GRID2: variants seen among roughly 807,000 people sequenced by gnomAD.
The protein encoded by GRID2 is glutamate ionotropic receptor delta type subunit 2.
In GRID2, 33 loss-of-function variants were observed where a neutral mutation model predicts 114.8. That is an observed-to-expected ratio of 0.29 (90% CI 0.22 to 0.38). The LOEUF (loss-of-function observed/expected upper bound fraction) is 0.38, where lower values mean the gene tolerates loss of function less well. Ranked by LOEUF, GRID2 falls within the 10% of genes least tolerant of loss-of-function variation. GRID2 has a pLI of 1.00. For missense variants in GRID2, 1,184 were observed against 1,257.7 expected (o/e 0.94, Z 0.89); for synonymous variants, 505 against 449.9 (o/e 1.12, Z -1.55).
intron 3 of GRID2, among the ~76,000 whole-genome samples, chr4:93,101,176 T>G (rs912563871): frequency 2.6e-5 from 4 of 152,104 alleles, no homozygotes; most frequent in Non-Finnish European, 5.9e-5. Context: ...ACATATCATA[T>G]TTTCAGGGTA....
intron 2 of GRID2, among the ~76,000 whole-genome samples, chr4:92,642,857 C>T (rs181718600): frequency 6.6e-6 from 1 of 151,404 alleles, no homozygotes; most frequent in Non-Finnish European, 1.5e-5. Context: ...TAAGGGTCCA[C>T]TTTCATTCTT....
At chr4:93,574,544 T>C (rs1281172550) in intron 13 of GRID2, among the ~76,000 whole-genome samples, 1 of 152,152 alleles carries the variant, frequency 6.6e-6, no homozygotes, top group Non-Finnish European at 1.5e-5. Flanking sequence ...TCTTACCTGG[T>C]TGGCAGCAGG....
intron 2 of GRID2, among the ~76,000 whole-genome samples, chr4:92,716,914 A>T (rs147184333): frequency 6.6e-6 from 1 of 152,208 alleles, no homozygotes; most frequent in Non-Finnish European, 1.5e-5. Context: ...AAAGCAATCT[A>T]AATATCTCCA....
chr4:92,987,453 G>A (rs1380899375), intron 2 of GRID2, among the ~76,000 whole-genome samples: 4 of 152,076 alleles, frequency 2.6e-5, no homozygotes, highest in African/African-American at 7.2e-5. Flanking sequence ...GGGGTGGGAG[G>A]AGGGGAGAGG....
chr4:92,861,991 G>A (rs1744565445), intron 2 of GRID2, among the ~76,000 whole-genome samples: 1 of 151,838 alleles, frequency 6.6e-6, no homozygotes, highest in South Asian at 2.1e-4. Context: ...GAATTTTTCT[G>A]TCTCATTTAC....
chr4:93,107,890 A>T (rs1374047946), intron 3 of GRID2, among the ~76,000 whole-genome samples: 1 of 152,248 alleles, frequency 6.6e-6, no homozygotes, highest in East Asian at 1.9e-4. Context: ...CAGATCCTCT[A>T]CTTGAAACTT....
chr4:93,432,181 A>G (rs1051185341), intron 10 of GRID2, among the ~76,000 whole-genome samples: 1 of 152,160 alleles, frequency 6.6e-6, no homozygotes, highest in African/African-American at 2.4e-5. Context: ...GACTGAGTGG[A>G]GGTTTATATG....
At chr4:93,223,822 A>C (rs1421703222) in intron 6 of GRID2, among the ~76,000 whole-genome samples, 2 of 152,188 alleles carry the variant, frequency 1.3e-5, no homozygotes, top group Non-Finnish European at 2.9e-5. Flanking sequence ...ATTAATTGAC[A>C]GTATAAATAG....
chr4:93,029,754 A>C (rs923817429), intron 2 of GRID2, among the ~76,000 whole-genome samples: 4 of 152,224 alleles, frequency 2.6e-5, no homozygotes, highest in Admixed American at 2.6e-4. Context: ...TATGACAAAA[A>C]TTTAATTCAC....
intron 13 of GRID2, among the ~76,000 whole-genome samples, chr4:93,535,321 G>A (rs559071322): frequency 3.3e-5 from 5 of 150,562 alleles, no homozygotes; most frequent in East Asian, 1.9e-4. Context: ...GGTTGTTTCC[G>A]TATCTTGGCT....
chr4:92,474,864 A>G (rs1351696707), intron 1 of GRID2, among the ~76,000 whole-genome samples: 1 of 148,278 alleles, frequency 6.7e-6, no homozygotes, highest in African/African-American at 2.5e-5. Context: ...TGACTTCCTA[A>G]TGTATTTTGG....
rs1014268271 is a variant in GRID2, at chr4:93,569,071, T to C, written c.2193+53660T>C. Among the ~76,000 whole-genome samples the C allele has an allele frequency of 1.1e-4, 17 of 152,268 alleles. No individual in the cohort carries two copies. In the South Asian group the frequency reaches 2.9e-3, roughly 26 times the overall value. ...AAGTTTAGATCTCTCTAGGGAGAAC[T>C]TGAGTTAATGACTAGCTGGTATGAG... On this transcript the variant is annotated intron_variant, in intron 13 of 15. Transcript: ENST00000282020.
chr4:92,966,670 T>G (rs1180568596), intron 2 of GRID2, among the ~76,000 whole-genome samples: 1 of 151,926 alleles, frequency 6.6e-6, no homozygotes, highest in Admixed American at 6.6e-5. Flanking sequence ...TGCCTGCCAC[T>G]GTGTAAGACA....
At position 93,769,307 on chromosome 4, in the gene GRID2, A is replaced by C. The variant is rs1167381499; in HGVS notation, c.2458A>C (p.Lys820Gln). Residue 820 changes from lysine (K) to glutamine (Q), a missense_variant, in exon 15 of 16, where the codon AAG becomes CAG. By Grantham distance (53) the Lys-to-Gln change is moderately conservative. Transcript: ENST00000282020. ...TGACCTGTACTCGTCAGTGGACACA[A>C]AGCAGAAAGGAGGCGCCCTGGACAT... ...QCDLYSSVDT[K>Q]QKGGALDIKS... The C allele has an allele frequency of 6.2e-7, 1 of 1,614,052 alleles. No homozygotes were observed. Among genetic ancestry groups the C allele is most frequent in the African/African-American group, 1.3e-5 (1 of 74,934 alleles).
At chr4:92,482,035 A>ATATATATAT (rs1560660653) in intron 1 of GRID2, among the ~76,000 whole-genome samples, 1 of 57,190 alleles carries the variant, frequency 1.7e-5, no homozygotes, top group Admixed American at 1.6e-4. Flanking sequence ...TATATATATA[A>ATATATATAT]AATAACAATA....
chr4:92,428,272 A>G (rs1265518628), intron 1 of GRID2, among the ~76,000 whole-genome samples: 2 of 151,980 alleles, frequency 1.3e-5, no homozygotes, highest in African/African-American at 4.8e-5. Context: ...AAGTAATAAT[A>G]ATAATAATAA....
chr4:93,259,080 C>A (rs1458656215), intron 8 of GRID2: 2 of 324,542 alleles, frequency 6.2e-6, no homozygotes, highest in Non-Finnish European at 1.2e-5. Context: ...CCTATTTTTC[C>A]CTTTTGCTTT....
chr4:93,731,664 C>T (rs755502200), intron 14 of GRID2, among the ~76,000 whole-genome samples: 4 of 152,150 alleles, frequency 2.6e-5, no homozygotes, highest in East Asian at 1.9e-4. Context: ...AGCTGAGTCA[C>T]GCAGAGGACT....
intron 2 of GRID2, among the ~76,000 whole-genome samples, chr4:92,950,561 A>G (rs1351689046): frequency 1.3e-5 from 2 of 152,120 alleles, no homozygotes; most frequent in African/African-American, 4.8e-5. Flanking sequence ...TACTTGGGGA[A>G]TCTCCTACTT....
Sources: allele counts gnomAD v4.1 joint callset (sites outside exome capture counted in the v4.1 genomes callset), GRCh38; gene constraint gnomAD v4.1.1; transcripts MANE v1.5; gene names NCBI Gene and HGNC (gene_info 2026-07-23, HGNC 2026-07-21).